PCLO: variants seen among roughly 807,000 people sequenced by gnomAD.
The protein encoded by PCLO is protein piccolo.
In PCLO, 82 loss-of-function variants were observed where a neutral mutation model predicts 427.5. The observed-to-expected ratio is 0.19, with a 90% CI of 0.16 to 0.23. The LOEUF is 0.23. Ranked by LOEUF, PCLO falls within the 10% of genes least tolerant of loss-of-function variation. The pLI is 1.00. For missense variants in PCLO, 6,239 were observed against 6,115.9 expected (o/e 1.02, Z -0.67); for synonymous variants, 2,357 against 2,155.4 (o/e 1.09, Z -2.59).
At chr7:82,822,342 G>A (rs1012703680) in intron 20 of PCLO, 153 bp downstream of exon 20, 7 of 1,479,612 alleles carry the variant, frequency 4.7e-6, no homozygotes, top group Non-Finnish European at 6.3e-6. Flanking sequence ...GCATATTAAT[G>A]TATTTATATC....
chr7:82,824,771 G>C, intron 18 of PCLO, among the ~76,000 whole-genome samples: 1 of 151,094 alleles, frequency 6.6e-6, no homozygotes, highest in Admixed American at 6.6e-5. Context: ...GTGAAATCCC[G>C]TCTCTGCTAA....
intron 3 of PCLO, among the ~76,000 whole-genome samples, chr7:83,125,947 T>C (rs1376642401): frequency 2.0e-5 from 3 of 152,056 alleles, no homozygotes; most frequent in African/African-American, 7.2e-5. Flanking sequence ...TGCAGCACTA[T>C]TCACAATAGC....
In PCLO at chr7:82,915,201, G is replaced by A. The variant is rs766938855; in HGVS notation, c.12785C>T (p.Thr4262Ile). The A allele has an allele frequency of 6.2e-7, 1 of 1,611,224 alleles. No individual in the cohort carries two copies. The highest frequency in any genetic ancestry group is 1.1e-5 in the South Asian group (1 of 90,820). ...QQKFMGSSLG[T>I]GLGTLGNTIR... ...GGTATTTCCTAATGTGCCCAGTCCT[G>A]TGCCAAGAGAAGATCCCATAAATTT... Residue 4262 changes from threonine to isoleucine, a missense_variant, in exon 7 of 25, where the codon ACA becomes ATA. By Grantham distance (89) the Thr-to-Ile change is moderately conservative. This residue lies in a region of PCLO where 680 missense variants were observed against 677.3 expected (regional missense o/e 1.00). Coordinates refer to ENST00000333891, the MANE Select transcript of PCLO (RefSeq NM_033026.6).
rs778108792 is a variant in PCLO at position 82,794,459 on chromosome 7, C to CTTTTTTTTTTTTTTTTTTTTTTTT, written c.15007+7035_15007+7058dup. 4.8e-4 allele frequency among the ~76,000 whole-genome samples: 27 copies of CTTTTTTTTTTTTTTTTTTTTTTTT among 56,374 alleles called. 7 individuals are homozygous for CTTTTTTTTTTTTTTTTTTTTTTTT. The highest frequency in any genetic ancestry group is 8.6e-4 in the Non-Finnish European group (21 of 24,450). 37.0% of individuals were successfully genotyped at this position (56,374 alleles called of 152,430 possible). A position where few individuals can be genotyped will look rare whatever the true frequency, so the allele number is the denominator to read the frequency against. Reference sequence around the variant, plus strand: ...ACATGCTAGTTCATAAATTTTTTTTCTTTTTTTTTTTTTTTTTTTTTTTTT... The same window carrying CTTTTTTTTTTTTTTTTTTTTTTTT: ...ACATGCTAGTTCATAAATTTTTTTTCTTTTTTTTTTTTTTTTTTTTTTTTTTTTTTTTTTTTTTTTTTTTTTTTT... On this transcript the variant is annotated intron_variant, in intron 22 of 24. Transcript: ENST00000333891.
At chr7:83,158,860 C>A (rs926525315) in intron 1 of PCLO, among the ~76,000 whole-genome samples, 1 of 151,868 alleles carries the variant, frequency 6.6e-6, no homozygotes, top group Non-Finnish European at 1.5e-5. Context: ...ACACAGAGAT[C>A]TTTGAGTGGG....
chr7:82,820,776 T>G, intron 20 of PCLO: 1 of 1,231,440 alleles, frequency 8.1e-7, no homozygotes, highest in East Asian at 3.2e-5. Context: ...CAATTTAAAC[T>G]TTTATCACAA....
chr7:82,952,982 A>C lies in PCLO; in HGVS notation c.7971T>G (p.Ser2657=). Reference sequence around the variant, plus strand: ...CTGATGTGGGAGCTGCTTGAAATGAAGAGGGTGCTGTGACAGGGGTAGCAG... The same window carrying C: ...CTGATGTGGGAGCTGCTTGAAATGACGAGGGTGCTGTGACAGGGGTAGCAG... ...TFSATPVTAP[S]SFQAAPTSVT... The change falls in exon 5 of 25, where the codon TCT becomes TCG. Residue 2657 remains serine, a synonymous_variant. Transcript: ENST00000333891. 6.2e-7 allele frequency: 1 copy of C among 1,613,918 alleles called. No individual in the cohort carries two copies. Among genetic ancestry groups the C allele is most frequent in the Non-Finnish European group, 8.5e-7 (1 of 1,179,852 alleles).
chr7:82,972,945 A>AT (rs1795937562), intron 3 of PCLO, among the ~76,000 whole-genome samples: 1 of 152,126 alleles, frequency 6.6e-6, no homozygotes, highest in South Asian at 2.1e-4. Flanking sequence ...AATGTTATTT[A>AT]CAATCTCGGC....
chr7:83,134,088 T>C (rs1478918306), intron 3 of PCLO, among the ~76,000 whole-genome samples, 162 bp downstream of exon 3: 2 of 151,616 alleles, frequency 1.3e-5, no homozygotes, highest in Admixed American at 1.3e-4. Context: ...AGTAAGAAGG[T>C]AAGCTGGTAA....
intron 3 of PCLO, among the ~76,000 whole-genome samples, chr7:82,979,677 G>A (rs1208960623): frequency 4.6e-5 from 7 of 152,130 alleles, no homozygotes; most frequent in East Asian, 1.9e-4. Flanking sequence ...GAAGCAATCT[G>A]AGAAAGTATA....
chr7:83,134,494 T>C lies in PCLO; in HGVS notation c.3056A>G (p.Lys1019Arg). ...TGGCTTTTTTTCTGTTTCTGTTCTT[T>C]TTACTGTTGGAGCTTGTTCAGCTTT... ...EPKAEQAPTV[K>R]RTETEKKPPP... Residue 1019 changes from lysine (K) to arginine (R), a missense_variant, in exon 3 of 25, where the codon AAA (lysine) becomes AGA (arginine). Transcript: ENST00000333891. 6.2e-7 allele frequency: 1 copy of C among 1,613,618 alleles called. No individual in the cohort carries two copies. The highest frequency in any genetic ancestry group is 8.5e-7 in the Non-Finnish European group (1 of 1,179,814).
intron 3 of PCLO, among the ~76,000 whole-genome samples, chr7:83,086,194 T>A (rs574386107): frequency 1.1e-4 from 16 of 151,680 alleles, no homozygotes; most frequent in Admixed American, 3.3e-4. Context: ...CACTGCAACC[T>A]CCACCTACCA....
At chr7:83,107,601 A>G (rs1269998602) in intron 3 of PCLO, among the ~76,000 whole-genome samples, 1 of 151,804 alleles carries the variant, frequency 6.6e-6, no homozygotes, top group Non-Finnish European at 1.5e-5. Context: ...TTCTTGGAAG[A>G]TAAATACTTA....
Position 83,004,055 on chromosome 7 carries a change from G to A in PCLO, c.3301-37568C>T, listed in dbSNP as rs1217297849. On this transcript the variant is annotated intron_variant, in intron 3 of 24. Coordinates refer to ENST00000333891, the MANE Select transcript of PCLO (RefSeq NM_033026.6). Reference sequence around the variant, plus strand: ...TTTGTATGCTCATAATTTCTACGAAGTCATACATGAGAAGCTCGCACCTAA... The same window carrying A: ...TTTGTATGCTCATAATTTCTACGAAATCATACATGAGAAGCTCGCACCTAA... 3.3e-5 allele frequency among the ~76,000 whole-genome samples: 5 copies of A among 151,614 alleles called. No homozygotes were observed. The East Asian group carries it at 7.8e-4, about 24-fold the overall frequency.
At chr7:83,148,249 A>G (rs1017487108) in intron 2 of PCLO, among the ~76,000 whole-genome samples, 1 of 152,114 alleles carries the variant, frequency 6.6e-6, no homozygotes, top group African/African-American at 2.4e-5. Context: ...TAACTTATCA[A>G]TTTCAGACTG....
chr7:82,768,369 G>A (rs1790576897), intron 22 of PCLO, among the ~76,000 whole-genome samples: 1 of 151,358 alleles, frequency 6.6e-6, no homozygotes, highest in African/African-American at 2.4e-5. Context: ...GTTGTAGTGA[G>A]CCAGGATCAT....
intron 3 of PCLO, among the ~76,000 whole-genome samples, chr7:83,046,566 T>A (rs1462132207): frequency 6.6e-6 from 1 of 152,060 alleles, no homozygotes; most frequent in African/African-American, 2.4e-5. Context: ...AATTAGGTCT[T>A]CCTGTGCTTT....
Position 83,162,814 on chromosome 7 carries a change from G to T in PCLO, c.-222C>A. The T allele has an allele frequency of 1.7e-6, 1 of 592,724 alleles. No homozygotes were observed. The highest frequency in any genetic ancestry group is 2.0e-5 in the African/African-American group (1 of 51,108). 36.7% of individuals were successfully genotyped at this position (592,724 alleles called of 1,614,324 possible). A position where few individuals can be genotyped will look rare whatever the true frequency, so the allele number is the denominator to read the frequency against. On this transcript the variant is annotated 5_prime_UTR_variant, in exon 1 of 25. Transcript: ENST00000333891. ...CGGTGCCTCCTCCATGTTGGACAGC[G>T]CCAGGCAACCTTTGCAGAAGACACC... is the stretch of plus-strand genomic sequence containing the variant.
chr7:82,850,623 TA>T (rs1792628203), intron 10 of PCLO, among the ~76,000 whole-genome samples: 1 of 152,144 alleles, frequency 6.6e-6, no homozygotes, highest in African/African-American at 2.4e-5. Flanking sequence ...TCTTACTGAC[TA>T]AAATTATTCA....
Sources: allele counts gnomAD v4.1 joint callset (sites outside exome capture counted in the v4.1 genomes callset), GRCh38; gene constraint gnomAD v4.1.1; regional missense constraint gnomAD v4.1.1; transcripts MANE v1.5; gene names NCBI Gene and HGNC (gene_info 2026-07-23, HGNC 2026-07-21).